TBX19: variants seen among roughly 807,000 people sequenced by gnomAD.
TBX19 encodes T-box transcription factor 19.
TBX19 carries 33 observed loss-of-function variants against 40.9 expected under a neutral mutation model. The observed-to-expected ratio is 0.81, with a 90% CI of 0.61 to 1.08. TBX19 has a LOEUF of 1.08. Ranked by LOEUF, TBX19 falls within the 50% of genes least tolerant of loss-of-function variation. TBX19 has a pLI of 0.00. For synonymous variants in TBX19, 220 were observed against 225.0 expected, an observed-to-expected ratio of 0.98 and a Z score of 0.20; for missense variants, 494 against 574.0, an observed-to-expected ratio of 0.86 and a Z score of 1.42.
chr1:168,308,578 A>T, intron 6 of TBX19, 164 bp from the exon 7 acceptor site: 1 of 840,520 alleles, frequency 1.2e-6, no homozygotes, highest in Admixed American at 2.2e-5. Flanking sequence ...CATTGAGGAA[A>T]CCCACGTTTC....
At chr1:168,283,773 A>G (rs1648732927) in intron 1 of TBX19, among the ~76,000 whole-genome samples, 1 of 152,112 alleles carries the variant, frequency 6.6e-6, no homozygotes, top group Non-Finnish European at 1.5e-5. Context: ...TTCATTCATA[A>G]TGTCACCTGG....
At chr1:168,296,470 G>A (rs1461911628) in intron 3 of TBX19, among the ~76,000 whole-genome samples, 1 of 152,142 alleles carries the variant, frequency 6.6e-6, no homozygotes, top group Non-Finnish European at 1.5e-5. Context: ...GAGAATGAGA[G>A]CCAAGAGAAA....
At chr1:168,310,964 TTAAA>T (rs916328880) in intron 7 of TBX19, among the ~76,000 whole-genome samples, 4 of 150,442 alleles carry the variant, frequency 2.7e-5, no homozygotes, top group African/African-American at 9.7e-5. Context: ...AATATTTTTG[TTAAA>T]TAAAATATTA....
chr1:168,294,646 C>T, intron 3 of TBX19, among the ~76,000 whole-genome samples: 1 of 152,258 alleles, frequency 6.6e-6, no homozygotes, highest in Middle Eastern at 3.4e-3. Flanking sequence ...GGACTACAGA[C>T]ATGCACCACC....
intron 1 of TBX19, among the ~76,000 whole-genome samples, chr1:168,288,609 A>ACATTTCTTAT (rs1553288513): frequency 6.6e-6 from 1 of 152,196 alleles, no homozygotes; most frequent in Non-Finnish European, 1.5e-5. Flanking sequence ...AAACATCCTG[A>ACATTTCTTAT]CATTTCTTAT....
intron 6 of TBX19, among the ~76,000 whole-genome samples, chr1:168,305,594 A>T (rs1410257101): frequency 6.6e-6 from 1 of 152,158 alleles, no homozygotes; most frequent in Admixed American, 6.5e-5. Context: ...CAGTTCAGGG[A>T]ATACTGGGTC....
Position 168,312,987 on chromosome 1 carries a change from C to T in TBX19, c.1332C>T (p.Ser444=), listed in dbSNP as rs34997986. 1.9e-6 allele frequency: 3 copies of T among 1,614,100 alleles called. No homozygotes were observed. Among genetic ancestry groups the T allele is most frequent in the Non-Finnish European group, 2.5e-6 (3 of 1,180,046 alleles). ...GPGAGGHHSP[S]SLDG The stretch of plus-strand genomic sequence containing the variant: ...GAGCGGGTGGGCACCATTCTCCTTC[C>T]TCACTGGATGGTTAAGCAGGATCCT... The change falls in exon 8 of 8, where the codon TCC becomes TCT. Residue 444 remains serine, a synonymous_variant. Coordinates refer to ENST00000367821, the MANE Select transcript of TBX19 (RefSeq NM_005149.3).
At chr1:168,297,250 C>T (rs1649135479) in intron 3 of TBX19, among the ~76,000 whole-genome samples, 1 of 152,140 alleles carries the variant, frequency 6.6e-6, no homozygotes, top group African/African-American at 2.4e-5. Flanking sequence ...GAATGAGGGA[C>T]TCGATGCTAG....
chr1:168,303,288 G>A (rs1170761854), intron 5 of TBX19, among the ~76,000 whole-genome samples: 1 of 152,052 alleles, frequency 6.6e-6, no homozygotes, highest in African/African-American at 2.4e-5. Context: ...GAGAACATGC[G>A]GTGTTTGGTT....
At chr1:168,306,554 A>C (rs1309486328) in intron 6 of TBX19, among the ~76,000 whole-genome samples, 1 of 139,988 alleles carries the variant, frequency 7.1e-6, no homozygotes, top group Non-Finnish European at 1.5e-5. Flanking sequence ...TGAATCCGGG[A>C]GGCAGAGGCT....
intron 1 of TBX19, among the ~76,000 whole-genome samples, chr1:168,282,359 T>C (rs1648680046): frequency 6.6e-6 from 1 of 152,222 alleles, no homozygotes; most frequent in Non-Finnish European, 1.5e-5. Context: ...AACTATTTCT[T>C]GTCAATCTTG....
chr1:168,308,367 C>T (rs188641837), intron 6 of TBX19: 80 of 302,532 alleles, frequency 2.6e-4, no homozygotes, highest in African/African-American at 1.6e-3. Flanking sequence ...TCATCTGGGG[C>T]ACTGGTGGCC....
Position 168,313,556 on chromosome 1 carries a change from T to C in TBX19, c.*554T>C, listed in dbSNP as rs181087534. On this transcript the variant is annotated 3_prime_UTR_variant, in exon 8 of 8. Transcript: ENST00000367821. ...TGTGCCCAGACTTGTGGAAATGAAG[T>C]CATGTCACTCCTCTGCTCAGAAACC... 6.0e-6 allele frequency: 1 copy of C among 167,186 alleles called. No individual in the cohort carries two copies. Among genetic ancestry groups the C allele is most frequent in the East Asian group, 1.7e-4 (1 of 6,008 alleles). The allele number at this position is 167,186 out of a possible 1,614,324, so 10.4% of individuals were successfully genotyped here.
At chr1:168,300,287 G>A in intron 4 of TBX19, 135 bp from the exon 5 acceptor site, 1 of 813,808 alleles carries the variant, frequency 1.2e-6, no homozygotes, top group Non-Finnish European at 2.1e-6. Flanking sequence ...GGGAAGGACA[G>A]GAGCTTAGGA....
intron 1 of TBX19, among the ~76,000 whole-genome samples, chr1:168,285,642 CTCTT>C (rs1443630034): frequency 6.6e-6 from 1 of 152,254 alleles, no homozygotes; most frequent in Non-Finnish European, 1.5e-5. Flanking sequence ...ACATTTTCCT[CTCTT>C]TCTCTCCAAG....
At chr1:168,308,994 C>T in intron 7 of TBX19, 117 bp downstream of exon 7, 2 of 1,427,616 alleles carry the variant, frequency 1.4e-6, no homozygotes, top group Non-Finnish European at 9.8e-7. Flanking sequence ...GTCTTGACTT[C>T]TAAAACACTA....
intron 1 of TBX19, among the ~76,000 whole-genome samples, chr1:168,282,168 A>G (rs1027275030): frequency 1.8e-4 from 27 of 152,172 alleles, no homozygotes; most frequent in African/African-American, 5.8e-4. Flanking sequence ...GCTGAAAGGC[A>G]TTTTCAGTAG....
intron 5 of TBX19, among the ~76,000 whole-genome samples, chr1:168,303,813 G>T (rs370549100): frequency 3.3e-4 from 51 of 152,282 alleles, no homozygotes; most frequent in African/African-American, 8.9e-4. Flanking sequence ...CATTGCCATG[G>T]CATTTGTAAA....
rs182540614 is a variant in TBX19 at position 168,306,139 on chromosome 1, C to T, written c.916+943C>T. ...GGTCACCAGCTACCTGTCCCTGTGT[C>T]CCTTAGCCTGCTATTCTTGGCAACC... On this transcript the variant is annotated intron_variant, in intron 6 of 7. Coordinates refer to ENST00000367821, the MANE Select transcript of TBX19 (RefSeq NM_005149.3). 4.7e-3 allele frequency among the ~76,000 whole-genome samples: 720 copies of T among 152,256 alleles called. 4 individuals are homozygous for T. Among genetic ancestry groups the T allele is most frequent in the Middle Eastern group, 0.017 (5 of 294 alleles).
Sources: allele counts gnomAD v4.1 joint callset (sites outside exome capture counted in the v4.1 genomes callset), GRCh38; gene constraint gnomAD v4.1.1; transcripts MANE v1.5; gene names NCBI Gene and HGNC (gene_info 2026-07-23, HGNC 2026-07-21).